Variants in MROH2B observed in about 807,000 individuals in gnomAD.
MROH2B encodes the protein maestro heat like repeat family member 2B, also known as maestro heat-like repeat-containing protein family member 2B.
MROH2B carries 177 observed loss-of-function variants against 208.6 expected under a neutral mutation model. The observed-to-expected ratio is 0.85, with a 90% CI of 0.75 to 0.96. The LOEUF is 0.96. MROH2B is among the 40% of genes least tolerant of loss of function. The pLI, the probability that MROH2B is intolerant of heterozygous loss-of-function variation, is 0.00. For synonymous variants in MROH2B, 728 were observed against 659.0 expected (o/e 1.10, Z -1.60); for missense variants, 2,002 against 1,878.7 (o/e 1.07, Z -1.21).
chr5:40,999,666 T>C lies in MROH2B; in HGVS notation c.4585+11A>G. The C allele has an allele frequency of 6.2e-7, 1 of 1,601,678 alleles. No individual in the cohort carries two copies. The highest frequency in any genetic ancestry group is 2.2e-5 in the East Asian group (1 of 44,530). On this transcript the variant is annotated intron_variant, in intron 40 of 41. Coordinates refer to ENST00000399564, the MANE Select transcript of MROH2B (RefSeq NM_173489.5). Reference sequence around the variant, plus strand: ...GACATATCTGGGTAGGAAATGGGGATGTGTACTCACCTGTGAGTTTGACAG... The same window carrying C: ...GACATATCTGGGTAGGAAATGGGGACGTGTACTCACCTGTGAGTTTGACAG...
intron 24 of MROH2B, among the ~76,000 whole-genome samples, chr5:41,027,718 G>A (rs1466341639): frequency 6.6e-6 from 1 of 152,088 alleles, no homozygotes; most frequent in Non-Finnish European, 1.5e-5. Context: ...AAATCATGCT[G>A]CTATAAAGAC....
chr5:41,008,943 C>T, intron 32 of MROH2B, 150 bp from the exon 33 acceptor site: 2 of 822,826 alleles, frequency 2.4e-6, no homozygotes, highest in South Asian at 1.9e-5. Flanking sequence ...AACTCAGGGC[C>T]TGCCATGTTA....
chr5:41,000,048 G>A (rs917630216), intron 39 of MROH2B, 172 bp downstream of exon 39: 2 of 852,362 alleles, frequency 2.3e-6, no homozygotes, highest in Non-Finnish European at 3.6e-6. Flanking sequence ...AGAGGGTCCT[G>A]TGGCAGGATA....
chr5:40,999,860 G>T, intron 39 of MROH2B, 81 bp from the exon 40 acceptor site: 2 of 1,307,632 alleles, frequency 1.5e-6, no homozygotes, highest in Non-Finnish European at 2.1e-6. Context: ...TCCTCAGAAC[G>T]GATTTGTAAA....
At chr5:41,039,007 C>A in intron 20 of MROH2B, 119 bp from the exon 21 acceptor site, 2 of 884,842 alleles carry the variant, frequency 2.3e-6, no homozygotes, top group East Asian at 2.5e-5. Context: ...TGGGATGATT[C>A]GAATAAGTCT....
chr5:41,037,203 T>G (rs1742794627), intron 21 of MROH2B, among the ~76,000 whole-genome samples: 1 of 152,132 alleles, frequency 6.6e-6, no homozygotes, highest in African/African-American at 2.4e-5. Context: ...TGGCCTCAAG[T>G]GGTCCTCCAA....
In MROH2B at chr5:41,007,471, G is replaced by A; in HGVS notation, c.3609-17C>T. On this transcript the variant is annotated splice_polypyrimidine_tract_variant and intron_variant, in intron 33 of 41. Transcript: ENST00000399564. ...GTTGAAAGCCTAAAGGAGACAGTCA[G>A]CATTACAAAACTAAGTTGACCCTTA... 3 of 1,540,492 alleles carry A rather than the reference G, an allele frequency of 1.9e-6. No homozygotes were observed. Among genetic ancestry groups the A allele is most frequent in the South Asian group, 1.3e-5 (1 of 78,022 alleles).
intron 28 of MROH2B, among the ~76,000 whole-genome samples, chr5:41,016,491 C>T (rs1741952537): frequency 7.6e-6 from 1 of 130,824 alleles, no homozygotes; most frequent in Admixed American, 8.9e-5. Context: ...TCTGTTACTA[C>T]TGTAATGTTT....
intron 33 of MROH2B, 50 bp from the exon 34 acceptor site, chr5:41,007,504 T>A: frequency 7.1e-7 from 1 of 1,400,540 alleles, no homozygotes. Context: ...TTATAGGGAA[T>A]TGCAAATTCC....
rs777376266 is a variant in MROH2B, at chr5:41,000,702, C to A, written c.4326G>T (p.Trp1442Cys). ...CAACTCCAATCTTGGGGTTGGGATC[C>A]CAAAGGTGCAGAAGGAATGAAATCA... Reference protein sequence around the residue: ...KSLISFLLHLWDPNPKIGVAC... With the variant: ...KSLISFLLHLCDPNPKIGVAC... The change falls in exon 38 of 42, where the codon TGG (tryptophan) becomes TGT (cysteine). Residue 1442 changes from tryptophan (W) to cysteine (C), a missense_variant. By Grantham distance (215) the Trp-to-Cys change is radical. Coordinates refer to ENST00000399564, the MANE Select transcript of MROH2B (RefSeq NM_173489.5). 2.5e-6 allele frequency: 4 copies of A among 1,612,042 alleles called. No individual in the cohort carries two copies. The highest frequency in any genetic ancestry group is 2.2e-5 in the South Asian group (2 of 90,540).
intron 24 of MROH2B, among the ~76,000 whole-genome samples, chr5:41,024,459 G>T (rs1283234386): frequency 6.6e-6 from 1 of 152,072 alleles, no homozygotes; most frequent in African/African-American, 2.4e-5. Context: ...TAATGGAAAA[G>T]GGATCAATTC....
rs747458314 is a variant in MROH2B, at chr5:41,069,465, C to CT, written c.90+225dup. Among the ~76,000 whole-genome samples the CT allele has an allele frequency of 5.1e-4, 78 of 151,502 alleles. 1 individual carries two copies. Among genetic ancestry groups the CT allele is most frequent in the East Asian group, 4.1e-3 (21 of 5,154 alleles). On this transcript the variant is annotated intron_variant, in intron 2 of 41. Transcript: ENST00000399564. ...GCCTGTATAAAGTTATAAAAAGGAACTTTTTTTTTGCTATTTTCTAGACAT... is the reference window on the plus strand; with the variant it reads ...GCCTGTATAAAGTTATAAAAAGGAACTTTTTTTTTTGCTATTTTCTAGACAT...
chr5:41,056,914 C>T (rs1315144564), intron 9 of MROH2B, among the ~76,000 whole-genome samples, 195 bp downstream of exon 9: 1 of 152,128 alleles, frequency 6.6e-6, no homozygotes, highest in East Asian at 1.9e-4. Context: ...GCATCATTGG[C>T]CATTCTTCCC....
At chr5:41,027,819 A>C (rs371718174) in intron 24 of MROH2B, among the ~76,000 whole-genome samples, 33 of 152,250 alleles carry the variant, frequency 2.2e-4, no homozygotes, top group Non-Finnish European at 4.4e-4. Flanking sequence ...CTGGATTAAG[A>C]AAATGTGGCA....
At chr5:41,047,114 G>A (rs367557635) in intron 17 of MROH2B, among the ~76,000 whole-genome samples, 7 of 152,032 alleles carry the variant, frequency 4.6e-5, no homozygotes, top group African/African-American at 1.2e-4. Flanking sequence ...TGTGGGCTTC[G>A]TCCCTCCTGC....
chr5:41,013,054 G>A (rs1741824853), intron 29 of MROH2B, among the ~76,000 whole-genome samples: 1 of 152,168 alleles, frequency 6.6e-6, no homozygotes, highest in Non-Finnish European at 1.5e-5. Flanking sequence ...TGTTTACATA[G>A]CAATATGTAC....
chr5:41,018,521 A>G, intron 26 of MROH2B, 91 bp from the exon 27 acceptor site: 1 of 1,486,104 alleles, frequency 6.7e-7, no homozygotes, highest in Non-Finnish European at 9.2e-7. Flanking sequence ...CTCTTTTGTA[A>G]CACGGTGCTC....
At chr5:41,021,412 G>T (rs879365715) in intron 24 of MROH2B, among the ~76,000 whole-genome samples, 15 of 151,942 alleles carry the variant, frequency 9.9e-5, no homozygotes, top group Non-Finnish European at 1.9e-4. Flanking sequence ...AAATACCAAG[G>T]GTGCTTTTTG....
intron 28 of MROH2B, among the ~76,000 whole-genome samples, chr5:41,015,789 G>A (rs1741928771): frequency 6.6e-6 from 1 of 152,220 alleles, no homozygotes; most frequent in African/African-American, 2.4e-5. Flanking sequence ...AAAAATAGGA[G>A]AGTCTGAATT....
Sources: gnomAD v4.1 joint callset for allele counts (sites outside exome capture counted in the v4.1 genomes callset) on GRCh38, gnomAD v4.1.1 for gene constraint, MANE v1.5 for transcripts, NCBI Gene and HGNC (gene_info 2026-07-23, HGNC 2026-07-21) for gene names.